The following GRM7 variants were observed in gnomAD, a reference collection of about 807,000 sequenced individuals.
GRM7 encodes the protein glutamate metabotropic receptor 7.
A neutral mutation model predicts 84.5 loss-of-function variants in GRM7; 35 were observed. That is an observed-to-expected ratio of 0.41 (90% CI 0.32 to 0.55). The LOEUF is 0.55. GRM7 is among the 20% of genes least tolerant of loss of function. GRM7 has a pLI of 0.19. For missense variants in GRM7, 1,003 were observed against 1,194.6 expected (o/e 0.84, Z 2.36); for synonymous variants, 487 against 455.1 (o/e 1.07, Z -0.89).
chr3:7,268,050 C>CA (rs1301615642), intron 2 of GRM7, among the ~76,000 whole-genome samples: 2 of 152,074 alleles, frequency 1.3e-5, no homozygotes, highest in African/African-American at 2.4e-5. Context: ...TCAATGCCCT[C>CA]AGCACTCATT....
intron 2 of GRM7, among the ~76,000 whole-genome samples, chr3:7,153,472 C>T (rs7617753): frequency 0.25 from 38,246 of 151,964 alleles, 5,684 homozygotes; most frequent in African/African-American, 0.42. Context: ...ATTTGACTTT[C>T]AACACTCGAT....
intron 2 of GRM7, among the ~76,000 whole-genome samples, chr3:7,244,450 A>C (rs1256850202): frequency 6.6e-6 from 1 of 152,102 alleles, no homozygotes; most frequent in East Asian, 1.9e-4. Flanking sequence ...TTCAATAGAA[A>C]AAAACAGCTG....
chr3:7,285,517 T>A (rs1241758923), intron 2 of GRM7, among the ~76,000 whole-genome samples: 1 of 152,038 alleles, frequency 6.6e-6, no homozygotes, highest in Non-Finnish European at 1.5e-5. Flanking sequence ...GAGCGCAAAA[T>A]GATAAATTAT....
chr3:7,405,604 TA>T lies in GRM7; in HGVS notation c.1034-9418del, dbSNP rs1695640935. Among the ~76,000 whole-genome samples the T allele has an allele frequency of 2.0e-5, 3 of 152,150 alleles. No individual in the cohort carries two copies. The South Asian group carries it at 6.2e-4, about 31-fold the overall frequency. ...ATTTATAGATTACATTTGTAAAAATTAGGTGTGTTTAGAAATAGGAATTAAC... is the reference window on the plus strand; with the variant it reads ...ATTTATAGATTACATTTGTAAAAATTGGTGTGTTTAGAAATAGGAATTAAC... On this transcript the variant is annotated intron_variant, in intron 4 of 9. Coordinates refer to ENST00000357716, the MANE Select transcript of GRM7 (RefSeq NM_000844.4).
In GRM7 at chr3:7,146,448, G is replaced by T; in HGVS notation, c.520-4G>T. On this transcript the variant is annotated splice_polypyrimidine_tract_variant and splice_region_variant and intron_variant, in intron 1 of 9. Coordinates refer to ENST00000357716, the MANE Select transcript of GRM7 (RefSeq NM_000844.4). ...TCTCACGTGGTGCTTTCTTGTCTTT[G>T]CAGATCCCCCAGATTAGTTATGCAT... 1 of 1,609,090 alleles carries T rather than the reference G, an allele frequency of 6.2e-7. No homozygotes were observed. Among genetic ancestry groups the T allele is most frequent in the Non-Finnish European group, 8.5e-7 (1 of 1,176,344 alleles).
At chr3:7,617,541 A>G (rs1479650909) in intron 8 of GRM7, among the ~76,000 whole-genome samples, 2 of 152,178 alleles carry the variant, frequency 1.3e-5, no homozygotes, top group Non-Finnish European at 2.9e-5. Context: ...CCCAGAAGCC[A>G]TAAAGCAAAA....
chr3:7,032,444 T>C (rs1574813345), intron 1 of GRM7, among the ~76,000 whole-genome samples: 1 of 152,188 alleles, frequency 6.6e-6, no homozygotes, highest in South Asian at 2.1e-4. Context: ...TAGAACCTAA[T>C]ACGTGTTCAA....
intron 2 of GRM7, among the ~76,000 whole-genome samples, chr3:7,170,990 C>T (rs1185802523): frequency 4.6e-5 from 7 of 152,132 alleles, no homozygotes; most frequent in Non-Finnish European, 8.8e-5. Flanking sequence ...GAGCTCTTAT[C>T]CTCCTTTTTT....
At chr3:7,162,860 A>G (rs551519677) in intron 2 of GRM7, among the ~76,000 whole-genome samples, 1 of 144,550 alleles carries the variant, frequency 6.9e-6, no homozygotes, top group Non-Finnish European at 1.5e-5. Context: ...CCTGGGTTCA[A>G]GCGATTCTCC....
intron 1 of GRM7, among the ~76,000 whole-genome samples, chr3:7,003,858 G>T (rs560527574): frequency 6.6e-6 from 1 of 152,036 alleles, no homozygotes; most frequent in Non-Finnish European, 1.5e-5. Context: ...GCTAACTTGG[G>T]GTATCTCATG....
intron 4 of GRM7, among the ~76,000 whole-genome samples, chr3:7,336,087 G>A (rs1003757148): frequency 7.8e-5 from 11 of 140,968 alleles, no homozygotes; most frequent in East Asian, 2.2e-4. Flanking sequence ...AGGAAAGAAC[G>A]TAACAAAAAA....
Position 6,888,553 on chromosome 3 carries a change from G to A in GRM7, c.519+26646G>A, listed in dbSNP as rs575280960. On this transcript the variant is annotated intron_variant, in intron 1 of 9. Coordinates refer to ENST00000357716, the MANE Select transcript of GRM7 (RefSeq NM_000844.4). ...GATCAGATAGCTATAGATATGCAGCGTTATTTCTGAGGGCTCTGTTCTGTT... is the reference window on the plus strand; with the variant it reads ...GATCAGATAGCTATAGATATGCAGCATTATTTCTGAGGGCTCTGTTCTGTT... Among the ~76,000 whole-genome samples the A allele has an allele frequency of 3.3e-3, 502 of 152,072 alleles. 1 individual carries two copies. The highest frequency in any genetic ancestry group is 6.5e-3 in the Admixed American group (99 of 15,266).
chr3:7,439,563 C>A (rs564528899), intron 5 of GRM7, among the ~76,000 whole-genome samples: 1 of 152,266 alleles, frequency 6.6e-6, no homozygotes, highest in Non-Finnish European at 1.5e-5. Context: ...ATGGTAAAAT[C>A]CCAGACCCTT....
chr3:7,048,236 T>C (rs10510346), intron 1 of GRM7, among the ~76,000 whole-genome samples: 23,909 of 151,940 alleles, frequency 0.16, 3,134 homozygotes, highest in African/African-American at 0.36. Flanking sequence ...AACTGAGTCA[T>C]GGCCTTTTTA....
rs1290696916 is a variant in GRM7 at position 6,916,304 on chromosome 3, A to G, written c.519+54397A>G. 2.0e-5 allele frequency among the ~76,000 whole-genome samples: 3 copies of G among 152,200 alleles called. No homozygotes were observed. The South Asian group carries it at 6.2e-4, about 31-fold the overall frequency. On this transcript the variant is annotated intron_variant, in intron 1 of 9. Coordinates refer to ENST00000357716, the MANE Select transcript of GRM7 (RefSeq NM_000844.4). ...AAACAGTCACACAAATGTAAAATAT[A>G]AAATAAATATGTGATGCCATAAAAG...
At chr3:7,160,489 C>T (rs1406779276) in intron 2 of GRM7, among the ~76,000 whole-genome samples, 1 of 152,122 alleles carries the variant, frequency 6.6e-6, no homozygotes, top group Admixed American at 6.5e-5. Context: ...ACCCTCAGTG[C>T]TCTCTCTCTG....
chr3:6,990,895 G>C lies in GRM7; in HGVS notation c.519+128988G>C, dbSNP rs540978806. On this transcript the variant is annotated intron_variant, in intron 1 of 9. Transcript: ENST00000357716. ...TTCCTTGGAGCTTTATGTTCCTGTG[G>C]CCCAGGACTGCTTAAAGGTCACAAG... Among the ~76,000 whole-genome samples the C allele has an allele frequency of 2.0e-5, 3 of 152,158 alleles. No individual in the cohort carries two copies. In the East Asian group the frequency reaches 5.8e-4, roughly 29 times the overall value.
At chr3:7,059,801 G>A (rs956593973) in intron 1 of GRM7, among the ~76,000 whole-genome samples, 2 of 151,740 alleles carry the variant, frequency 1.3e-5, no homozygotes, top group Admixed American at 1.3e-4. Context: ...TGAGAACTCA[G>A]CATTAAGATG....
Position 7,649,149 on chromosome 3 carries a change from T to A in GRM7, c.2452-30900T>A, listed in dbSNP as rs772890815. 5.0e-4 allele frequency among the ~76,000 whole-genome samples: 76 copies of A among 151,948 alleles called. 1 individual carries two copies. In the East Asian group the frequency reaches 8.2e-3, roughly 16 times the overall value. On this transcript the variant is annotated intron_variant, in intron 8 of 9. Coordinates refer to ENST00000357716, the MANE Select transcript of GRM7 (RefSeq NM_000844.4). ...CAGTGGTGCGATCTCGGCTCACTGC[T>A]AGCTCCGCCTCCCGGGTTCACGCCA...
Sources: allele counts gnomAD v4.1 joint callset (sites outside exome capture counted in the v4.1 genomes callset), GRCh38; gene constraint gnomAD v4.1.1; transcripts MANE v1.5; gene names NCBI Gene and HGNC (gene_info 2026-07-23, HGNC 2026-07-21).